Variants in SMYD3 observed in about 807,000 individuals in gnomAD.
SMYD3 encodes the protein histone-lysine N-methyltransferase SMYD3.
A neutral mutation model predicts 57.7 loss-of-function variants in SMYD3; 36 were observed. The ratio of observed to expected loss-of-function variants is 0.62; its 90% CI spans 0.48 to 0.82. The LOEUF is 0.82. Among genes scored for constraint, SMYD3 ranks in the 40% least tolerant of loss-of-function variants. The pLI, the probability that SMYD3 is intolerant of heterozygous loss-of-function variation, is 0.00. For synonymous variants in SMYD3, 211 were observed against 195.0 expected (o/e 1.08, Z -0.68); for missense variants, 515 against 538.8 (o/e 0.96, Z 0.44).
intron 5 of SMYD3, among the ~76,000 whole-genome samples, chr1:245,969,714 C>A (rs545181503): frequency 9.0e-4 from 137 of 152,276 alleles, no homozygotes; most frequent in African/African-American, 2.9e-3. Flanking sequence ...AGCATTCCTT[C>A]GTGTTGTTTT....
chr1:246,188,703 G>A (rs1315265921), intron 5 of SMYD3, among the ~76,000 whole-genome samples: 2 of 152,012 alleles, frequency 1.3e-5, no homozygotes, highest in African/African-American at 4.8e-5. Context: ...GCTCATGCCT[G>A]TAATCCCAAC....
intron 5 of SMYD3, among the ~76,000 whole-genome samples, chr1:246,158,947 A>G (rs1201430350): frequency 6.6e-6 from 1 of 152,204 alleles, no homozygotes; most frequent in East Asian, 1.9e-4. Context: ...TGAGATATGC[A>G]GTACCGAGAA....
intron 5 of SMYD3, among the ~76,000 whole-genome samples, chr1:245,968,039 GA>G (rs928278116): frequency 1.7e-4 from 26 of 152,126 alleles, no homozygotes; most frequent in African/African-American, 6.3e-4. Flanking sequence ...ATACCTATGG[GA>G]AAGTTACTGT....
At chr1:246,408,719 G>C (rs115382377) in intron 1 of SMYD3, among the ~76,000 whole-genome samples, 4,146 of 133,630 alleles carry the variant, frequency 0.031, 100 homozygotes, top group Non-Finnish European at 0.044. Context: ...ACCCAGGCTG[G>C]AATGTAGTGG....
chr1:246,224,882 C>T (rs1161394948), intron 5 of SMYD3, among the ~76,000 whole-genome samples: 1 of 151,878 alleles, frequency 6.6e-6, no homozygotes, highest in Non-Finnish European at 1.5e-5. Flanking sequence ...GTGGGAAAAA[C>T]AGAAGCAGAA....
chr1:245,780,714 T>C (rs989628831), intron 10 of SMYD3, among the ~76,000 whole-genome samples: 1 of 152,218 alleles, frequency 6.6e-6, no homozygotes, highest in African/African-American at 2.4e-5. Flanking sequence ...TTTTTAAAGA[T>C]TAAACATTAT....
intron 5 of SMYD3, among the ~76,000 whole-genome samples, chr1:245,955,642 A>T (rs1572784225): frequency 6.6e-6 from 1 of 152,220 alleles, no homozygotes; most frequent in East Asian, 1.9e-4. Flanking sequence ...ATTGTTGTTA[A>T]TCTACTGTGC....
At chr1:246,016,399 G>A (rs1244960300) in intron 5 of SMYD3, among the ~76,000 whole-genome samples, 3 of 151,718 alleles carry the variant, frequency 2.0e-5, no homozygotes, top group Non-Finnish European at 2.9e-5. Flanking sequence ...CTTGGTCAAC[G>A]TGGTGAAACC....
chr1:246,399,178 C>T (rs766295012), intron 1 of SMYD3, among the ~76,000 whole-genome samples: 95 of 150,426 alleles, frequency 6.3e-4, no homozygotes, highest in Non-Finnish European at 1.1e-3. Context: ...TGTGCCACCA[C>T]GCCCAGCTAG....
chr1:246,329,982 T>C (rs901017755), intron 4 of SMYD3, among the ~76,000 whole-genome samples: 4 of 152,178 alleles, frequency 2.6e-5, no homozygotes, highest in African/African-American at 9.7e-5. Flanking sequence ...TTTTAAGTCA[T>C]CACAAGAAGG....
intron 5 of SMYD3, among the ~76,000 whole-genome samples, chr1:246,294,039 TC>T (rs1226590200): frequency 1.3e-5 from 2 of 152,088 alleles, no homozygotes; most frequent in Non-Finnish European, 2.9e-5. Context: ...CCCACTTTAC[TC>T]CCTCTCAGTC....
chr1:246,160,766 G>A (rs2062104574), intron 5 of SMYD3, among the ~76,000 whole-genome samples: 1 of 152,214 alleles, frequency 6.6e-6, no homozygotes, highest in Non-Finnish European at 1.5e-5. Flanking sequence ...ATGGGGGACA[G>A]CAGTGAGTGA....
rs770846574 is a variant in SMYD3 at position 245,814,465 on chromosome 1, TAAATA to T, written c.1076+44026_1076+44030del. 653 of 852,810 alleles carry T rather than the reference TAAATA, an allele frequency of 7.7e-4. 3 individuals carry two copies. Among genetic ancestry groups the T allele is most frequent in the Middle Eastern group, 3.6e-3 (6 of 1,644 alleles). 52.8% of individuals were successfully genotyped at this position (852,810 alleles called of 1,614,324 possible). A position where few individuals can be genotyped will look rare whatever the true frequency, so the allele number is the denominator to read the frequency against. On this transcript the variant is annotated intron_variant, in intron 10 of 11. Transcript: ENST00000490107. Reference sequence around the variant, plus strand: ...CGAAAAAATAAACAATAAAAATAAATAAATAAAATAAAAAGAATGCTACTGTTACA... The same window carrying T: ...CGAAAAAATAAACAATAAAAATAAATAAATAAAAAGAATGCTACTGTTACA...
At chr1:246,362,051 C>T (rs1014680079) in intron 1 of SMYD3, among the ~76,000 whole-genome samples, 17 of 152,090 alleles carry the variant, frequency 1.1e-4, no homozygotes, top group African/African-American at 3.9e-4. Context: ...CCCCCAGCAC[C>T]GCCCCCACAA....
chr1:246,479,979 C>CT (rs2068081396), intron 1 of SMYD3, among the ~76,000 whole-genome samples: 1 of 152,120 alleles, frequency 6.6e-6, no homozygotes. Flanking sequence ...AATTGTTTAG[C>CT]ATCAGGTGGG....
chr1:246,297,179 T>G (rs577828478), intron 5 of SMYD3, among the ~76,000 whole-genome samples: 1 of 151,990 alleles, frequency 6.6e-6, no homozygotes, highest in Non-Finnish European at 1.5e-5. Context: ...AAAAAGAAAG[T>G]AAGAAAGAGA....
chr1:245,938,077 T>C (rs961452206), intron 5 of SMYD3, among the ~76,000 whole-genome samples: 2 of 152,214 alleles, frequency 1.3e-5, no homozygotes, highest in Non-Finnish European at 2.9e-5. Flanking sequence ...AAAGATACAG[T>C]GCGTGCTGAG....
intron 11 of SMYD3, among the ~76,000 whole-genome samples, chr1:245,756,963 T>A (rs754089175): frequency 2.0e-5 from 3 of 152,066 alleles, no homozygotes; most frequent in Non-Finnish European, 4.4e-5. Context: ...ATTCTTTTTT[T>A]AAAAACAATA....
chr1:246,244,879 T>C (rs1334346334), intron 5 of SMYD3, among the ~76,000 whole-genome samples: 3 of 152,188 alleles, frequency 2.0e-5, no homozygotes, highest in African/African-American at 4.8e-5. Flanking sequence ...ATGGACTCCA[T>C]CTAAACATTA....
Sources: gnomAD v4.1 joint callset for allele counts (sites outside exome capture counted in the v4.1 genomes callset) on GRCh38, gnomAD v4.1.1 for gene constraint, MANE v1.5 for transcripts, NCBI Gene and HGNC (gene_info 2026-07-23, HGNC 2026-07-21) for gene names.